The following ZDHHC14 variants were observed in gnomAD, a reference collection of about 807,000 sequenced individuals.
The protein encoded by ZDHHC14 is palmitoyltransferase ZDHHC14.
In ZDHHC14, 16 loss-of-function variants were observed where a neutral mutation model predicts 47.7. That is an observed-to-expected ratio of 0.34 (90% CI 0.23 to 0.51). The LOEUF (loss-of-function observed/expected upper bound fraction) is 0.51, where lower values mean the gene tolerates loss of function less well. Among genes scored for constraint, ZDHHC14 ranks in the 20% least tolerant of loss-of-function variants. The pLI, the probability that ZDHHC14 is intolerant of heterozygous loss-of-function variation, is 0.97. For synonymous variants in ZDHHC14, 293 were observed against 278.9 expected (o/e 1.05, Z -0.50); for missense variants, 515 against 662.5 (o/e 0.78, Z 2.44).
At chr6:157,521,176 G>A (rs1780897451) in intron 1 of ZDHHC14, among the ~76,000 whole-genome samples, 1 of 152,160 alleles carries the variant, frequency 6.6e-6, no homozygotes, top group Non-Finnish European at 1.5e-5. Flanking sequence ...CGGGGACCCT[G>A]GAGGCAGAAT....
intron 8 of ZDHHC14, among the ~76,000 whole-genome samples, chr6:157,655,447 C>G (rs561875904): frequency 6.6e-6 from 1 of 152,218 alleles, no homozygotes; most frequent in Non-Finnish European, 1.5e-5. Flanking sequence ...TGCCTGCAAG[C>G]GCACAGGCAT....
At chr6:157,627,188 T>G (rs1785468660) in intron 3 of ZDHHC14, among the ~76,000 whole-genome samples, 2 of 152,230 alleles carry the variant, frequency 1.3e-5, no homozygotes, top group South Asian at 4.1e-4. Context: ...ATGACCGATT[T>G]ATGATACATG....
Position 157,628,254 on chromosome 6 carries a change from C to CA in ZDHHC14, c.566-94dup, listed in dbSNP as rs576401432. On this transcript the variant is annotated intron_variant, in intron 3 of 8. Transcript: ENST00000359775. ...GAATAATATCATTGTGTTATACTATCAGAGTATTGGGTGGGAGGGGCGGGG... is the reference window on the plus strand; with the variant it reads ...GAATAATATCATTGTGTTATACTATCAAGAGTATTGGGTGGGAGGGGCGGGG... The CA allele has an allele frequency of 7.6e-5, 92 of 1,206,766 alleles. 1 individual carries two copies. In the African/African-American group the frequency reaches 1.4e-3, roughly 18 times the overall value. 74.8% of individuals were successfully genotyped at this position (1,206,766 alleles called of 1,614,324 possible).
chr6:157,442,197 G>A (rs895007869), intron 1 of ZDHHC14, among the ~76,000 whole-genome samples: 1 of 152,050 alleles, frequency 6.6e-6, no homozygotes, highest in African/African-American at 2.4e-5. Context: ...TTTGAGACAA[G>A]CCTAGGCAAC....
intron 1 of ZDHHC14, among the ~76,000 whole-genome samples, chr6:157,504,628 C>T (rs1780276881): frequency 6.6e-6 from 1 of 151,060 alleles, no homozygotes; most frequent in Non-Finnish European, 1.5e-5. Context: ...CCAAGCTGGT[C>T]TTGAACTCCT....
chr6:157,629,911 G>A (rs980591222), intron 4 of ZDHHC14: 1 of 152,246 alleles, frequency 6.6e-6, no homozygotes, highest in Non-Finnish European at 1.5e-5. Flanking sequence ...CAAAGAAGCA[G>A]TTGTTGACAC....
At chr6:157,640,603 A>G (rs991873226) in intron 5 of ZDHHC14, among the ~76,000 whole-genome samples, 6 of 152,128 alleles carry the variant, frequency 3.9e-5, no homozygotes, top group Non-Finnish European at 1.5e-5. Context: ...TGAATGACTT[A>G]CTCAGGGGTG....
intron 1 of ZDHHC14, among the ~76,000 whole-genome samples, chr6:157,404,327 G>T (rs1018983947): frequency 1.3e-5 from 2 of 152,088 alleles, no homozygotes; most frequent in African/African-American, 4.8e-5. Flanking sequence ...TAGAGGTGGG[G>T]TTTTTCCATG....
intron 8 of ZDHHC14, among the ~76,000 whole-genome samples, chr6:157,658,421 A>G (rs931983508): frequency 1.3e-5 from 2 of 152,192 alleles, no homozygotes; most frequent in South Asian, 2.1e-4. Flanking sequence ...CTCAGTCCAC[A>G]CATGCCAGAA....
intron 2 of ZDHHC14, among the ~76,000 whole-genome samples, chr6:157,550,058 T>A (rs1459849887): frequency 6.6e-6 from 1 of 152,196 alleles, no homozygotes; most frequent in East Asian, 1.9e-4. Context: ...TCTAGAGAGC[T>A]TTGTGGGTGG....
At chr6:157,428,491 G>A (rs1161017372) in intron 1 of ZDHHC14, among the ~76,000 whole-genome samples, 1 of 152,054 alleles carries the variant, frequency 6.6e-6, no homozygotes, top group Non-Finnish European at 1.5e-5. Context: ...GGCAAACAAG[G>A]TCATCTTACA....
chr6:157,546,446 C>T (rs1242264242), intron 2 of ZDHHC14, among the ~76,000 whole-genome samples: 1 of 152,218 alleles, frequency 6.6e-6, no homozygotes, highest in African/African-American at 2.4e-5. Flanking sequence ...AGGATTTAAA[C>T]AGCTTTCCCC....
chr6:157,672,959 G>A lies in ZDHHC14; in HGVS notation c.1304G>A (p.Gly435Asp). 6.2e-7 allele frequency: 1 copy of A among 1,600,098 alleles called. No homozygotes were observed. Among genetic ancestry groups the A allele is most frequent in the South Asian group, 1.1e-5 (1 of 89,690 alleles). Residue 435 changes from glycine (G) to aspartate (D), a missense_variant, in exon 9 of 9, where the codon GGC becomes GAC. Gly to Asp is a moderately conservative substitution (Grantham distance 94). Coordinates refer to ENST00000359775, the MANE Select transcript of ZDHHC14 (RefSeq NM_024630.3). ...ATGCCCCGGAAAGATGAGCACATGG[G>A]CCACCAGTTCCTGACGCCCGATGAG... is the stretch of plus-strand genomic sequence containing the variant. ...DVMPRKDEHMGHQFLTPDEAP... is the reference protein window; with the variant it reads ...DVMPRKDEHMDHQFLTPDEAP...
At chr6:157,664,107 T>G (rs1406880881) in intron 8 of ZDHHC14, among the ~76,000 whole-genome samples, 1 of 152,196 alleles carries the variant, frequency 6.6e-6, no homozygotes, top group East Asian at 1.9e-4. Context: ...CACGCTCCCC[T>G]GTGAAAATCT....
chr6:157,478,598 T>C (rs369388779), intron 1 of ZDHHC14, among the ~76,000 whole-genome samples: 5 of 152,316 alleles, frequency 3.3e-5, no homozygotes, highest in Admixed American at 1.3e-4. Flanking sequence ...AGTCAAAGAA[T>C]GGTACCTTTA....
At chr6:157,604,019 A>T (rs1032467454) in intron 3 of ZDHHC14, among the ~76,000 whole-genome samples, 2 of 152,190 alleles carry the variant, frequency 1.3e-5, no homozygotes, top group African/African-American at 2.4e-5. Flanking sequence ...AAGAGAAAAA[A>T]TTATGTCTGT....
chr6:157,491,754 C>T (rs1779922523), intron 1 of ZDHHC14, among the ~76,000 whole-genome samples: 1 of 152,182 alleles, frequency 6.6e-6, no homozygotes, highest in South Asian at 2.1e-4. Context: ...GTGACTCTGG[C>T]TCTCACCTGA....
In ZDHHC14 at chr6:157,522,764, C is replaced by T. The variant is rs1454601495; in HGVS notation, c.246-19821C>T. 1.1e-4 allele frequency among the ~76,000 whole-genome samples: 6 copies of T among 52,586 alleles called. 1 individual carries two copies. The highest frequency in any genetic ancestry group is 7.5e-4 in the African/African-American group (6 of 8,002). The allele number at this position is 52,586 out of a possible 152,430, so 34.5% of individuals were successfully genotyped here. On this transcript the variant is annotated intron_variant, in intron 1 of 8. Transcript: ENST00000359775. ...CCCTCCCTTTCTTCCTCCCTCCCTC[C>T]CTTCTTTCCTCCATCTCTCTTTCCA...
intron 7 of ZDHHC14, among the ~76,000 whole-genome samples, chr6:157,651,699 G>T (rs182603967): frequency 7.3e-4 from 111 of 152,210 alleles, no homozygotes; most frequent in Non-Finnish European, 3.8e-4. Flanking sequence ...CTCCCAAGTA[G>T]CTGGGGTTAC....
Sources: allele counts gnomAD v4.1 joint callset (sites outside exome capture counted in the v4.1 genomes callset), GRCh38; gene constraint gnomAD v4.1.1; transcripts MANE v1.5; gene names NCBI Gene and HGNC (gene_info 2026-07-23, HGNC 2026-07-21).